Variants in PSMD14 observed in about 807,000 individuals in gnomAD.
PSMD14 encodes ubiquitin C-terminal hydrolase PSMD14.
In PSMD14, 7 loss-of-function variants were observed where a neutral mutation model predicts 41.2. The observed-to-expected ratio is 0.17, with a 90% confidence interval of 0.10 to 0.32. PSMD14 has a LOEUF of 0.32. Ranked by LOEUF, PSMD14 falls within the 10% of genes least tolerant of loss-of-function variation. The pLI is 1.00. For missense variants in PSMD14, 139 were observed against 375.6 expected, an observed-to-expected ratio of 0.37 and a Z score of 5.21; for synonymous variants, 114 against 122.3, an observed-to-expected ratio of 0.93 and a Z score of 0.45.
In PSMD14 at chr2:161,367,530, C is replaced by A; in HGVS notation, c.101C>A (p.Ser34Tyr). Residue 34 changes from serine to tyrosine, a missense_variant, in exon 4 of 12, where the codon TCT becomes TAT. Ser to Tyr is a moderately radical substitution (Grantham distance 144). Around this residue, in one of 4 missense-constraint regions of PSMD14, gnomAD observed 24 missense variants for 55.3 expected, o/e 0.43. Transcript: ENST00000409682. Reference sequence around the variant, plus strand: ...GACACAGCAGAACAAGTCTATATCTCTTCCCTGGCACTGTTAAAAGTAGGT... The same window carrying A: ...GACACAGCAGAACAAGTCTATATCTATTCCCTGGCACTGTTAAAAGTAGGT... Reference protein sequence around the residue: ...AVDTAEQVYISSLALLKMLKH... With the variant: ...AVDTAEQVYIYSLALLKMLKH... The A allele has an allele frequency of 6.2e-7, 1 of 1,602,332 alleles. No individual in the cohort carries two copies. Among genetic ancestry groups the A allele is most frequent in the Non-Finnish European group, 8.5e-7 (1 of 1,173,902 alleles).
At chr2:161,359,196 T>A (rs1007543991) in intron 3 of PSMD14, among the ~76,000 whole-genome samples, 5 of 152,166 alleles carry the variant, frequency 3.3e-5, no homozygotes, top group Non-Finnish European at 5.9e-5. Flanking sequence ...GGTCTTCAGC[T>A]CCTGGGCTCA....
At chr2:161,387,339 GC>G (rs1174747309) in intron 8 of PSMD14, among the ~76,000 whole-genome samples, 1 of 152,010 alleles carries the variant, frequency 6.6e-6, no homozygotes, top group Non-Finnish European at 1.5e-5. Flanking sequence ...TTTTATGTTA[GC>G]AGGATCTTTA....
At chr2:161,402,729 G>T (rs1229585103) in intron 10 of PSMD14, among the ~76,000 whole-genome samples, 1 of 151,846 alleles carries the variant, frequency 6.6e-6, no homozygotes. Context: ...AAGAACTCTT[G>T]CAATGCAGCA....
intron 3 of PSMD14, among the ~76,000 whole-genome samples, chr2:161,359,904 T>A (rs1683265492): frequency 6.6e-6 from 1 of 152,228 alleles, no homozygotes; most frequent in African/African-American, 2.4e-5. Context: ...TATATGTCGA[T>A]GTAGATGTAT....
chr2:161,376,952 C>T (rs1205368599), intron 7 of PSMD14, among the ~76,000 whole-genome samples: 1 of 151,740 alleles, frequency 6.6e-6, no homozygotes, highest in East Asian at 1.9e-4. Flanking sequence ...AATTTTGTGA[C>T]ATTTATTAAT....
At chr2:161,316,043 C>G (rs924058646) in intron 1 of PSMD14, among the ~76,000 whole-genome samples, 1 of 152,028 alleles carries the variant, frequency 6.6e-6, no homozygotes, top group African/African-American at 2.4e-5. Flanking sequence ...AGTGTTTCAC[C>G]ATGTTAGCCA....
At position 161,371,075 on chromosome 2, in the gene PSMD14, CTT is replaced by C. The variant is rs1180697300; in HGVS notation, c.312-96_312-95del. The C allele has an allele frequency of 2.2e-6, 3 of 1,345,172 alleles. No individual in the cohort carries two copies. In the African/African-American group the frequency reaches 4.4e-5, roughly 20 times the overall value. The allele number at this position is 1,345,172 out of a possible 1,614,324, so 83.3% of individuals were successfully genotyped here. ...TTTCACACCTGTGTGTTTTTCATCT[CTT>C]CTTAATTTATACCCCGTTAGTGTGT... On this transcript the variant is annotated intron_variant, in intron 6 of 11. Transcript: ENST00000409682.
At chr2:161,309,394 A>C (rs1689062974) in intron 1 of PSMD14, among the ~76,000 whole-genome samples, 1 of 151,960 alleles carries the variant, frequency 6.6e-6, no homozygotes. Flanking sequence ...ATGGAAAGGC[A>C]GGGGAAAGGG....
At chr2:161,380,959 T>A (rs1683563595) in intron 7 of PSMD14, among the ~76,000 whole-genome samples, 1 of 151,980 alleles carries the variant, frequency 6.6e-6, no homozygotes, top group Admixed American at 6.6e-5. Context: ...AACAGGTCAT[T>A]TCTAGGTGAT....
intron 10 of PSMD14, among the ~76,000 whole-genome samples, chr2:161,396,910 A>G (rs576278701): frequency 5.9e-5 from 9 of 152,168 alleles, no homozygotes; most frequent in Non-Finnish European, 1.2e-4. Context: ...TCACTGCAAC[A>G]TCTGTCTCCT....
intron 4 of PSMD14, 74 bp downstream of exon 4, chr2:161,367,623 G>T: frequency 6.9e-7 from 1 of 1,451,240 alleles, no homozygotes; most frequent in Non-Finnish European, 9.4e-7. Context: ...TGGAATATTT[G>T]TCACCTTAAT....
intron 10 of PSMD14, among the ~76,000 whole-genome samples, chr2:161,397,430 G>T (rs1683816306): frequency 6.6e-6 from 1 of 152,168 alleles, no homozygotes; most frequent in African/African-American, 2.4e-5. Context: ...CAGTAGTATG[G>T]TAGTACCATT....
At chr2:161,367,431 A>G (rs1305014475) in intron 3 of PSMD14, 47 bp from the exon 4 acceptor site, 7 of 1,466,746 alleles carry the variant, frequency 4.8e-6, no homozygotes, top group Non-Finnish European at 6.5e-6. Context: ...TTTTAAACTC[A>G]TAAACTCTGT....
At chr2:161,389,889 G>GTTTTTTTTTTT (rs1162637393) in intron 8 of PSMD14, among the ~76,000 whole-genome samples, 7 of 20,048 alleles carry the variant, frequency 3.5e-4, no homozygotes, top group African/African-American at 7.6e-4. Flanking sequence ...CTTTTTTGTT[G>GTTTTTTTTTTT]TTTTTTTTTT....
At chr2:161,369,301 C>T (rs1375720090) in intron 5 of PSMD14, among the ~76,000 whole-genome samples, 1 of 152,084 alleles carries the variant, frequency 6.6e-6, no homozygotes, top group East Asian at 1.9e-4. Flanking sequence ...CTTCTGACCC[C>T]AGAGTCAGTA....
At chr2:161,315,965 C>T (rs750704813) in intron 1 of PSMD14, among the ~76,000 whole-genome samples, 14 of 151,454 alleles carry the variant, frequency 9.2e-5, no homozygotes, top group Non-Finnish European at 1.5e-4. Context: ...CCTCAGCCAC[C>T]TGAGTAGCTG....
intron 3 of PSMD14, among the ~76,000 whole-genome samples, chr2:161,338,869 C>T (rs528462310): frequency 6.6e-6 from 1 of 152,298 alleles, no homozygotes; most frequent in Non-Finnish European, 1.5e-5. Flanking sequence ...CATTAGTTTG[C>T]ATTTTCTAGC....
At chr2:161,402,194 T>A (rs2216941) in intron 10 of PSMD14, among the ~76,000 whole-genome samples, 138,994 of 152,256 alleles carry the variant, frequency 0.91, 63,492 homozygotes, top group East Asian at 1. Flanking sequence ...AGTCTTTCCC[T>A]TTCAAATCAA....
rs375696176 is a variant in PSMD14 at position 161,389,438 on chromosome 2, A to C, written c.571-1666A>C. On this transcript the variant is annotated intron_variant, in intron 8 of 11. Transcript: ENST00000409682. ...ATTAAAGGAAGCCCTGATCATTTCT[A>C]CTTTTTGATCTGTACAGTATAGCAT... Among the ~76,000 whole-genome samples the C allele has an allele frequency of 2.0e-5, 3 of 152,260 alleles. No homozygotes were observed. The East Asian group carries it at 5.8e-4, about 29-fold the overall frequency.
Sources: allele counts gnomAD v4.1 joint callset (sites outside exome capture counted in the v4.1 genomes callset), GRCh38; gene constraint gnomAD v4.1.1; regional missense constraint gnomAD v4.1.1; transcripts MANE v1.5; gene names NCBI Gene and HGNC (gene_info 2026-07-23, HGNC 2026-07-21).